Variants in SPEG observed in about 807,000 individuals in gnomAD.
The protein encoded by SPEG is striated muscle preferentially expressed protein kinase.
Under a neutral mutation model 300.4 loss-of-function variants are expected in SPEG, and 114 were observed. That is an observed-to-expected ratio of 0.38 (90% CI 0.33 to 0.44). The LOEUF (loss-of-function observed/expected upper bound fraction) is 0.44, where lower values mean the gene tolerates loss of function less well. Ranked by LOEUF, SPEG falls within the 20% of genes least tolerant of loss-of-function variation. SPEG has a pLI of 1.00. For synonymous variants in SPEG, 1,964 were observed against 2,018.9 expected (o/e 0.97, Z 0.73); for missense variants, 4,201 against 4,586.2 (o/e 0.92, Z 2.43).
chr2:219,485,561 A>C, intron 31 of SPEG, 84 bp downstream of exon 31: 1 of 1,418,636 alleles, frequency 7.0e-7, no homozygotes. Flanking sequence ...GGCTGGTGAG[A>C]GGTGGGCCAC....
chr2:219,449,569 C>T (rs1689586053), intron 4 of SPEG, among the ~76,000 whole-genome samples: 1 of 152,144 alleles, frequency 6.6e-6, no homozygotes, highest in African/African-American at 2.4e-5. Flanking sequence ...CATAGCTCCC[C>T]TGGGTCCAGT....
rs73991559 is a variant in SPEG, at chr2:219,459,503, C to G, written c.2441-2379C>G. On this transcript the variant is annotated intron_variant, in intron 6 of 40. Coordinates refer to ENST00000312358, the MANE Select transcript of SPEG (RefSeq NM_005876.5). This position sits in a 1 kb window ranked among gnomAD's most constrained non-coding sequence, Gnocchi z 4.9. ...AAGAGGCCTGGGCTGCTCTGACAGT[C>G]TGTCTCTCCAAGGGGCTTGAGGATG... Among the ~76,000 whole-genome samples the G allele has an allele frequency of 0.044, 6,750 of 152,242 alleles. 488 individuals carry two copies. Among genetic ancestry groups the G allele is most frequent in the African/African-American group, 0.15 (6,330 of 41,514 alleles).
Position 219,481,538 on chromosome 2 carries a change from G to T in SPEG, c.5522+82G>T. 2 of 1,604,784 alleles carry T rather than the reference G, an allele frequency of 1.2e-6. No homozygotes were observed. Among genetic ancestry groups the T allele is most frequent in the Non-Finnish European group, 1.7e-6 (2 of 1,172,778 alleles). ...TGCTACTCCCAAACTCCTGCCCCTC[G>T]ACATGCAAGCCCCCAACTCCTTAGG... On this transcript the variant is annotated intron_variant, in intron 27 of 40. Transcript: ENST00000312358. This position sits in a 1 kb window ranked among gnomAD's most constrained non-coding sequence, Gnocchi z 5.4.
Position 219,444,931 on chromosome 2 carries a change from G to A in SPEG, c.585G>A (p.Leu195=), listed in dbSNP as rs1215142722. The stretch of plus-strand genomic sequence containing the variant: ...GGTGGGGCAGCGGGCAGACGGTCCT[G>A]GAGCAGGAAGCGGGCAGTGGGGGTG... ...VSWWGSGQTV[L]EQEAGSGGGT... The change falls in exon 3 of 41, where the codon CTG becomes CTA. Residue 195 remains leucine, a synonymous_variant. Transcript: ENST00000312358. The surrounding 1 kb of genome is among the most constrained non-coding windows in gnomAD (Gnocchi z 7.8). 2 of 1,586,828 alleles carry A rather than the reference G, an allele frequency of 1.3e-6. No homozygotes were observed. The highest frequency in any genetic ancestry group is 1.7e-6 in the Non-Finnish European group (2 of 1,167,114).
At chr2:219,463,217 A>G (rs1285533382) in intron 8 of SPEG, among the ~76,000 whole-genome samples, 1 of 151,932 alleles carries the variant, frequency 6.6e-6, no homozygotes, top group Admixed American at 6.6e-5. Flanking sequence ...GCTGAAAAAA[A>G]AAAGACATGC....
intron 3 of SPEG, among the ~76,000 whole-genome samples, chr2:219,447,068 C>T (rs974521699): frequency 6.7e-6 from 1 of 149,548 alleles, no homozygotes; most frequent in African/African-American, 2.5e-5. Context: ...AAACTGAGAC[C>T]CAGCTCTTGG....
chr2:219,483,761 C>T lies in SPEG; in HGVS notation c.6298C>T (p.Arg2100Trp), dbSNP rs1406855204. The change falls in exon 30 of 41, where the codon CGG becomes TGG. Residue 2100 changes from arginine (R) to tryptophan (W), a missense_variant. Physicochemically the swap from Arg to Trp is moderately radical, Grantham distance 101. Transcript: ENST00000312358. ...GCTGGAGAGCCTGGGGGGCCGTGCT[C>T]GGGACCCCCGGATGGCACGAGCTGC... The part of the protein sequence containing the change: ...PLLESLGGRA[R>W]DPRMARAASS... The T allele has an allele frequency of 6.5e-6, 10 of 1,546,610 alleles. No individual in the cohort carries two copies. The highest frequency in any genetic ancestry group is 6.9e-6 in the Non-Finnish European group (8 of 1,153,324).
At chr2:219,438,199 C>G (rs1954769000) in intron 1 of SPEG, among the ~76,000 whole-genome samples, 1 of 152,120 alleles carries the variant, frequency 6.6e-6, no homozygotes, top group Non-Finnish European at 1.5e-5. Flanking sequence ...GTGAAGATAG[C>G]AGAAATGCAG....
At chr2:219,454,597 C>T (rs143949362) in intron 6 of SPEG, among the ~76,000 whole-genome samples, 9 of 152,230 alleles carry the variant, frequency 5.9e-5, no homozygotes, top group African/African-American at 1.7e-4. Flanking sequence ...CTTGGAGGGA[C>T]GTGTGGCAGG....
Position 219,449,244 on chromosome 2 carries a change from C to G in SPEG, c.2086C>G (p.Arg696Gly). 1 of 1,391,076 alleles carries G rather than the reference C, an allele frequency of 7.2e-7. No individual in the cohort carries two copies. 86.2% of individuals were successfully genotyped at this position (1,391,076 alleles called of 1,614,324 possible). Residue 696 changes from arginine to glycine, a missense_variant, in exon 4 of 41, where the codon CGG becomes GGG. Arg to Gly is a moderately radical substitution (Grantham distance 125, BLOSUM62 -2). Transcript: ENST00000312358. Reference sequence around the variant, plus strand: ...GGCCCGCAGCCAGGGCAAAGGTCGCCGGGCCCGGCCCACCTCCCCTGAGCT... The same window carrying G: ...GGCCCGCAGCCAGGGCAAAGGTCGCGGGGCCCGGCCCACCTCCCCTGAGCT... ...RGARSQGKGR[R>G]ARPTSPELES...
Position 219,477,148 on chromosome 2 carries a change from T to A in SPEG, c.4561-129T>A. 2 of 1,009,048 alleles carry A rather than the reference T, an allele frequency of 2.0e-6. No homozygotes were observed. Among genetic ancestry groups the A allele is most frequent in the South Asian group, 1.6e-5 (1 of 61,714 alleles). The allele number at this position is 1,009,048 out of a possible 1,614,324, so 62.5% of individuals were successfully genotyped here. A position where few individuals can be genotyped will look rare whatever the true frequency, so the allele number is the denominator to read the frequency against. On this transcript the variant is annotated intron_variant, in intron 19 of 40. Transcript: ENST00000312358. This position sits in a 1 kb window ranked among gnomAD's most constrained non-coding sequence, Gnocchi z 6.4. The stretch of plus-strand genomic sequence containing the variant: ...TAGCTGAGGGGTGCAGGGCTTTCTG[T>A]GGGAGATAAGGGAGGAGCTGACTCT...
chr2:219,479,809 A>T lies in SPEG; in HGVS notation c.5112A>T (p.Leu1704=). The T allele has an allele frequency of 6.2e-7, 1 of 1,613,998 alleles. No homozygotes were observed. The highest frequency in any genetic ancestry group is 8.5e-7 in the Non-Finnish European group (1 of 1,179,970). The stretch of plus-strand genomic sequence containing the variant: ...TCCGGGCCTATATGCGGCAGGTGCT[A>T]GAGGGAATACACTACCTGCACCAGA... ...SEIRAYMRQV[L]EGIHYLHQSH... The change falls in exon 24 of 41, where the codon CTA becomes CTT. Residue 1704 remains leucine, a synonymous_variant. Transcript: ENST00000312358. This position sits in a 1 kb window ranked among gnomAD's most constrained non-coding sequence, Gnocchi z 5.5.
rs140604046 is a variant in SPEG, at chr2:219,470,948, T to TTACTGTGTGTATTTTGG, written c.3716-910_3716-909insATTTTGGTACTGTGTGT. Among the ~76,000 whole-genome samples the TTACTGTGTGTATTTTGG allele has an allele frequency of 2.6e-5, 4 of 151,938 alleles. No homozygotes were observed. The South Asian group carries it at 8.3e-4, about 32-fold the overall frequency. ...ATATATCATAGAATGTATTTGGTACTTACTGTGTGTGAGGTTCTGGGTCTG... is the reference window on the plus strand; with the variant it reads ...ATATATCATAGAATGTATTTGGTACTTACTGTGTGTATTTTGGTACTGTGTGTGAGGTTCTGGGTCTG... On this transcript the variant is annotated intron_variant, in intron 13 of 40. Transcript: ENST00000312358.
chr2:219,466,382 G>C, intron 9 of SPEG: 2 of 1,372,434 alleles, frequency 1.5e-6, no homozygotes, highest in Non-Finnish European at 1.9e-6. Context: ...CACCGGGCGA[G>C]TGCATGTGCT....
rs758525967 is a variant in SPEG at position 219,482,842 on chromosome 2, G to C, written c.5624G>C (p.Arg1875Pro). ...CACCTGAAGCTATTCCTCTCCCGGCGGAGGTGGCAGGTAAGTGTGGCAGGC... is the reference window on the plus strand; with the variant it reads ...CACCTGAAGCTATTCCTCTCCCGGCCGAGGTGGCAGGTAAGTGTGGCAGGC... ...TDHLKLFLSRRRWQRSQISYK... is the reference protein window; with the variant it reads ...TDHLKLFLSRPRWQRSQISYK... Residue 1875 changes from arginine (R) to proline (P), a missense_variant, in exon 29 of 41, where the codon CGG (arginine) becomes CCG (proline). By Grantham distance (103) the Arg-to-Pro change is moderately radical. Transcript: ENST00000312358. The C allele has an allele frequency of 6.2e-7, 1 of 1,613,840 alleles. No homozygotes were observed. Among genetic ancestry groups the C allele is most frequent in the Non-Finnish European group, 8.5e-7 (1 of 1,179,928 alleles).
In SPEG at chr2:219,449,119, C is replaced by T. The variant is rs1689545462; in HGVS notation, c.1961C>T (p.Pro654Leu). 6.8e-7 allele frequency: 1 copy of T among 1,463,036 alleles called. No individual in the cohort carries two copies. 90.6% of individuals were successfully genotyped at this position (1,463,036 alleles called of 1,614,324 possible). ...ATPGLEGAAV[P>L]QTLEKNRAGP... is the part of the protein sequence containing the mutation. ...CCGGGCCTGGAGGGCGCTGCTGTACCCCAGACCTTGGAGAAGAACAGGGCG... is the reference window on the plus strand; with the variant it reads ...CCGGGCCTGGAGGGCGCTGCTGTACTCCAGACCTTGGAGAAGAACAGGGCG... The change falls in exon 4 of 41, where the codon CCC becomes CTC. Residue 654 changes from proline (P) to leucine (L), a missense_variant. This residue lies in a region of SPEG where 1,258 missense variants were observed against 1,293.9 expected (regional missense o/e 0.97). Coordinates refer to ENST00000312358, the MANE Select transcript of SPEG (RefSeq NM_005876.5).
rs200713879 is a variant in SPEG, at chr2:219,473,066, C to T, written c.4117C>T (p.Pro1373Ser). 3.7e-6 allele frequency: 6 copies of T among 1,613,778 alleles called. No individual in the cohort carries two copies. The East Asian group carries it at 1.1e-4, about 30-fold the overall frequency. Residue 1373 changes from proline to serine, a missense_variant, in exon 16 of 41, where the codon CCT (proline) becomes TCT (serine). This residue lies in a region of SPEG where 1,047 missense variants were observed against 1,356.8 expected (regional missense o/e 0.77). Coordinates refer to ENST00000312358, the MANE Select transcript of SPEG (RefSeq NM_005876.5). The surrounding 1 kb of genome is among the most constrained non-coding windows in gnomAD (Gnocchi z 4.6). ...CAAGAGCAGCAGCAAGCCCTCACCC[C>T]CTTCTGAGCCTGTGCAGCTGCTGGA... ...TVKSSSKPSP[P>S]SEPVQLLEHG...
Position 219,451,614 on chromosome 2 carries a change from C to A in SPEG, c.2258-11C>A. The A allele has an allele frequency of 6.5e-7, 1 of 1,526,896 alleles. No individual in the cohort carries two copies. The highest frequency in any genetic ancestry group is 8.8e-7 in the Non-Finnish European group (1 of 1,137,626). The allele number at this position is 1,526,896 out of a possible 1,614,324, so 94.6% of individuals were successfully genotyped here. On this transcript the variant is annotated splice_polypyrimidine_tract_variant and intron_variant, in intron 5 of 40. Coordinates refer to ENST00000312358, the MANE Select transcript of SPEG (RefSeq NM_005876.5). This position sits in a 1 kb window ranked among gnomAD's most constrained non-coding sequence, Gnocchi z 6.4. Reference sequence around the variant, plus strand: ...GGCCGTGGCGAGCCGGGTCCCTGTGCCTCCCCACAGTGTCCTGGCACAAGG... The same window carrying A: ...GGCCGTGGCGAGCCGGGTCCCTGTGACTCCCCACAGTGTCCTGGCACAAGG...
At position 219,448,117 on chromosome 2, in the gene SPEG, C is replaced by T. The variant is rs770098224; in HGVS notation, c.959C>T (p.Ser320Phe). The change falls in exon 4 of 41, where the codon TCC becomes TTC. Residue 320 changes from serine (S) to phenylalanine (F), a missense_variant. By Grantham distance (155) the Ser-to-Phe change is radical. Around this residue, in one of 4 missense-constraint regions of SPEG, gnomAD observed 1,258 missense variants for 1,293.9 expected, o/e 0.97. Transcript: ENST00000312358. ...PPPSPRVGKR[S>F]PPGPPAQPAA... ...CCGTCCCCTCGGGTCGGGAAGCGGTCCCCGCCGGGACCCCCGGCCCAGCCC... is the reference window on the plus strand; with the variant it reads ...CCGTCCCCTCGGGTCGGGAAGCGGTTCCCGCCGGGACCCCCGGCCCAGCCC... 4 of 1,603,028 alleles carry T rather than the reference C, an allele frequency of 2.5e-6. No homozygotes were observed. In the Admixed American group the frequency reaches 5.1e-5, roughly 20 times the overall value.
Sources: allele counts gnomAD v4.1 joint callset (sites outside exome capture counted in the v4.1 genomes callset), GRCh38; gene constraint gnomAD v4.1.1; regional missense constraint gnomAD v4.1.1; non-coding constraint Gnocchi (gnomAD v3.1); transcripts MANE v1.5; gene names NCBI Gene and HGNC (gene_info 2026-07-23, HGNC 2026-07-21).